ABCA5: variants seen among roughly 807,000 people sequenced by gnomAD.
The protein encoded by ABCA5 is ATP binding cassette subfamily A member 5, also known as cholesterol transporter ABCA5.
ABCA5 carries 163 observed loss-of-function variants against 206.0 expected under a neutral mutation model. The observed-to-expected ratio is 0.79, with a 90% confidence interval of 0.70 to 0.90. The LOEUF (loss-of-function observed/expected upper bound fraction) is 0.90, where lower values mean the gene tolerates loss of function less well. ABCA5 is among the 40% of genes least tolerant of loss of function. The probability of loss-of-function intolerance (pLI) is 0.00; values close to 1 mark genes in which losing one functional copy is unlikely to be tolerated. For synonymous variants in ABCA5, 609 were observed against 613.8 expected (o/e 0.99, Z 0.11); for missense variants, 1,859 against 1,912.9 (o/e 0.97, Z 0.53).
At position 69,309,360 on chromosome 17, in the gene ABCA5, C is replaced by A; in HGVS notation, c.371G>T (p.Ser124Ile). The A allele has an allele frequency of 6.2e-7, 1 of 1,606,118 alleles. No homozygotes were observed. The highest frequency in any genetic ancestry group is 8.5e-7 in the Non-Finnish European group (1 of 1,177,608). The change falls in exon 4 of 39, where the codon AGC (serine) becomes ATC (isoleucine). Residue 124 changes from serine (S) to isoleucine (I), a missense_variant. Ser to Ile is a moderately radical substitution (Grantham distance 142). Coordinates refer to ENST00000392676, the MANE Select transcript of ABCA5 (RefSeq NM_172232.4). ...TTTGAAAACCACACCTACAAAGTTG[C>A]TCGGCTTAGAGAGACTGGATGTTAA... ...EMLTSSLSKP[S>I]NFVGVVFKDS... is the part of the protein sequence containing the mutation.
At chr17:69,307,563 T>A (rs2075730451) in intron 5 of ABCA5, among the ~76,000 whole-genome samples, 1 of 152,114 alleles carries the variant, frequency 6.6e-6, no homozygotes, top group South Asian at 2.1e-4. Flanking sequence ...ACATCATCAA[T>A]GTAATAGATC....
intron 16 of ABCA5, 37 bp from the exon 17 acceptor site, chr17:69,286,074 A>C: frequency 6.3e-7 from 1 of 1,587,950 alleles, no homozygotes; most frequent in Non-Finnish European, 8.5e-7. Context: ...ATGATTATAC[A>C]ATAAACAGCC....
At position 69,309,486 on chromosome 17, in the gene ABCA5, A is replaced by G. The variant is rs894839993; in HGVS notation, c.308-63T>C. 4 of 1,145,138 alleles carry G rather than the reference A, an allele frequency of 3.5e-6. No individual in the cohort carries two copies. In the African/African-American group the frequency reaches 6.4e-5, roughly 18 times the overall value. The allele number at this position is 1,145,138 out of a possible 1,614,324, so 70.9% of individuals were successfully genotyped here. A position where few individuals can be genotyped will look rare whatever the true frequency, so the allele number is the denominator to read the frequency against. ...TAAAATACCACAATACAGTAGATCA[A>G]GTTTACAATTATTTTGATGAATGGA... is the stretch of plus-strand genomic sequence containing the variant. On this transcript the variant is annotated intron_variant, in intron 3 of 38. Transcript: ENST00000392676.
intron 7 of ABCA5, among the ~76,000 whole-genome samples, chr17:69,303,606 T>C (rs4506973): frequency 7.4e-6 from 1 of 135,450 alleles, no homozygotes; most frequent in Non-Finnish European, 1.6e-5. Context: ...ATTCATAAGA[T>C]AAAAAAAACA....
intron 18 of ABCA5, among the ~76,000 whole-genome samples, chr17:69,280,107 T>C (rs536660070): frequency 0.015 from 2,341 of 151,796 alleles, 48 homozygotes; most frequent in African/African-American, 0.054. Flanking sequence ...ACCTACAAAA[T>C]GGGAGAAAAT....
rs191973370 is a variant in ABCA5, at chr17:69,285,768, G to C, written c.2272+130C>G. ...TCAAAAACAAAATAAAGCAGAAACAGAATATTAACTCTGGCCACCTGGGAG... is the reference window on the plus strand; with the variant it reads ...TCAAAAACAAAATAAAGCAGAAACACAATATTAACTCTGGCCACCTGGGAG... On this transcript the variant is annotated intron_variant, in intron 17 of 38. Coordinates refer to ENST00000392676, the MANE Select transcript of ABCA5 (RefSeq NM_172232.4). 272 of 998,714 alleles carry C rather than the reference G, an allele frequency of 2.7e-4. 1 individual carries two copies. In the African/African-American group the frequency reaches 4.2e-3, roughly 15 times the overall value. 61.9% of individuals were successfully genotyped at this position (998,714 alleles called of 1,614,324 possible).
chr17:69,288,879 T>A (rs984969482), intron 14 of ABCA5, among the ~76,000 whole-genome samples: 1 of 151,984 alleles, frequency 6.6e-6, no homozygotes, highest in African/African-American at 2.4e-5. Context: ...AAACTACATA[T>A]TGAGTACCAT....
intron 3 of ABCA5, 50 bp downstream of exon 3, chr17:69,313,042 T>C (rs753629705): frequency 7.1e-6 from 9 of 1,270,356 alleles, no homozygotes; most frequent in African/African-American, 6.3e-5. Context: ...CTGATAAATA[T>C]TGAAAAGGCT....
intron 34 of ABCA5, among the ~76,000 whole-genome samples, chr17:69,252,559 G>A (rs1219462115): frequency 2.8e-4 from 42 of 152,122 alleles, no homozygotes. Flanking sequence ...TTCAAGGCCA[G>A]GCACTGTGCC....
chr17:69,277,661 T>A lies in ABCA5; in HGVS notation c.2574A>T (p.Glu858Asp). The change falls in exon 19 of 39, where the codon GAA becomes GAT. Residue 858 changes from glutamate (E) to aspartate (D), a missense_variant. Coordinates refer to ENST00000392676, the MANE Select transcript of ABCA5 (RefSeq NM_172232.4). ...CTTACACTGATCTCACTGATTTACT[T>A]TCACGTTTCAAGGTAAAGAAATGAA... ...AKFHFFTLKR[E>D]SKSVRSVLLL... 1 of 1,610,650 alleles carries A rather than the reference T, an allele frequency of 6.2e-7. No homozygotes were observed. Among genetic ancestry groups the A allele is most frequent in the Non-Finnish European group, 8.5e-7 (1 of 1,178,948 alleles).
chr17:69,267,832 T>C, intron 23 of ABCA5, 111 bp downstream of exon 23: 1 of 498,738 alleles, frequency 2.0e-6, no homozygotes, highest in Non-Finnish European at 3.6e-6. Context: ...TTATATTCCA[T>C]TTACTTATTT....
At chr17:69,306,052 TC>T (rs1443548134) in intron 6 of ABCA5, among the ~76,000 whole-genome samples, 2 of 151,874 alleles carry the variant, frequency 1.3e-5, no homozygotes, top group Admixed American at 1.3e-4. Flanking sequence ...GTATTAACCT[TC>T]CCCCCAGAAT....
intron 9 of ABCA5, among the ~76,000 whole-genome samples, chr17:69,300,133 G>A (rs1386750398): frequency 2.0e-5 from 3 of 152,170 alleles, no homozygotes; most frequent in Non-Finnish European, 4.4e-5. Context: ...TGGGAGCCCT[G>A]AGCTTGTTTT....
At chr17:69,264,104 T>G (rs1253219628) in intron 24 of ABCA5, among the ~76,000 whole-genome samples, 1 of 152,128 alleles carries the variant, frequency 6.6e-6, no homozygotes, top group Non-Finnish European at 1.5e-5. Flanking sequence ...ATAGGAATAG[T>G]GTTGAATCTG....
rs772217031 is a variant in ABCA5, at chr17:69,270,725, T to C, written c.2918A>G (p.Asn973Ser). Reference sequence around the variant, plus strand: ...AGGTAAAGAATAAACCATAGTACTGTTGAAAACAGCTGCAAAAACATAGTC... The same window carrying C: ...AGGTAAAGAATAAACCATAGTACTGCTGAAAACAGCTGCAAAAACATAGTC... ...EKDYVFAAVF[N>S]STMVYSLPIL... Residue 973 changes from asparagine to serine, a missense_variant, in exon 22 of 39, where the codon AAC (asparagine) becomes AGC (serine). Transcript: ENST00000392676. 2 of 1,559,862 alleles carry C rather than the reference T, an allele frequency of 1.3e-6. No individual in the cohort carries two copies. Among genetic ancestry groups the C allele is most frequent in the Admixed American group, 2.1e-5 (1 of 47,746 alleles).
chr17:69,248,409 C>A, intron 37 of ABCA5, 92 bp from the exon 38 acceptor site: 2 of 693,738 alleles, frequency 2.9e-6, no homozygotes, highest in Non-Finnish European at 2.4e-6. Flanking sequence ...TAAAATATCT[C>A]TGTAATCAAC....
At chr17:69,298,316 G>GGAAGCGAAGGAAGGAAGGAAGGA (rs1368530754) in intron 9 of ABCA5, among the ~76,000 whole-genome samples, 1 of 42,058 alleles carries the variant, frequency 2.4e-5, no homozygotes, top group Admixed American at 2.3e-4. Context: ...AAGAGAGAGA[G>GGAAGCGAAGGAAGGAAGGAAGGA]AGGAAGGAAG....
intron 28 of ABCA5, 147 bp downstream of exon 28, chr17:69,259,559 T>A: frequency 4.1e-6 from 2 of 493,110 alleles, no homozygotes; most frequent in Non-Finnish European, 7.2e-6. Context: ...CTGGGAGCTA[T>A]GGGAATAGGG....
chr17:69,319,041 A>G (rs917164283), intron 1 of ABCA5: 4 of 394,172 alleles, frequency 1.0e-5, no homozygotes, highest in Non-Finnish European at 1.9e-5. Context: ...AAATTAAGTC[A>G]TGTATATTTT....
Sources: gnomAD v4.1 joint callset for allele counts (sites outside exome capture counted in the v4.1 genomes callset) on GRCh38, gnomAD v4.1.1 for gene constraint, MANE v1.5 for transcripts, NCBI Gene and HGNC (gene_info 2026-07-23, HGNC 2026-07-21) for gene names.